NAV3: variants seen among roughly 807,000 people sequenced by gnomAD.
The protein encoded by NAV3 is pore membrane and/or filament interacting like protein 1.
In NAV3, 87 loss-of-function variants were observed where a neutral mutation model predicts 244.7. That is an observed-to-expected ratio of 0.36 (90% CI 0.30 to 0.42). The LOEUF is 0.42. NAV3 is among the 20% of genes least tolerant of loss of function. The probability of loss-of-function intolerance (pLI) is 1.00; values close to 1 mark genes in which losing one functional copy is unlikely to be tolerated. For missense variants in NAV3, 2,663 were observed against 2,893.3 expected, an observed-to-expected ratio of 0.92 and a Z score of 1.83; for synonymous variants, 1,126 against 1,042.2, an observed-to-expected ratio of 1.08 and a Z score of -1.55.
intron 8 of NAV3, among the ~76,000 whole-genome samples, chr12:78,016,482 G>A (rs1408787837): frequency 6.6e-6 from 1 of 151,966 alleles, no homozygotes; most frequent in Non-Finnish European, 1.5e-5. Context: ...CAACTCCCCT[G>A]AATCGAGTAA....
At position 77,831,712 on chromosome 12, in the gene NAV3, G is replaced by T. The variant is rs1873733355; in HGVS notation, c.243+8G>T. ...GAGAAAGAAGACAGCAAGGTTAGTT[G>T]CTGAAGTTACCTGCAGACTTGTGTA... On this transcript the variant is annotated splice_region_variant and intron_variant, in intron 1 of 39. Transcript: ENST00000397909. The T allele has an allele frequency of 1.3e-6, 2 of 1,592,882 alleles. No homozygotes were observed. The highest frequency in any genetic ancestry group is 1.4e-5 in the African/African-American group (1 of 73,788).
At position 77,998,401 on chromosome 12, in the gene NAV3, T is replaced by G. The variant is rs1418613007; in HGVS notation, c.805T>G (p.Leu269Val). Residue 269 changes from leucine to valine, a missense_variant, in exon 7 of 40, where the codon TTA (leucine) becomes GTA (valine). By Grantham distance (32) the Leu-to-Val change is conservative. Coordinates refer to ENST00000397909, the MANE Select transcript of NAV3 (RefSeq NM_001024383.2). ...SSSKVQGASN[L>V]NRRSQSFNSI... ...CAGCAAGGTCCAGGGAGCCTCTAATTTAAATAGGAGAAGTCAGAGCTTTAA... is the reference window on the plus strand; with the variant it reads ...CAGCAAGGTCCAGGGAGCCTCTAATGTAAATAGGAGAAGTCAGAGCTTTAA... The G allele has an allele frequency of 1.9e-6, 3 of 1,611,932 alleles. No individual in the cohort carries two copies. The African/African-American group carries it at 4.0e-5, about 22-fold the overall frequency.
chr12:78,193,044 T>C (rs1170529120), intron 34 of NAV3, among the ~76,000 whole-genome samples: 2 of 152,158 alleles, frequency 1.3e-5, no homozygotes, highest in Non-Finnish European at 2.9e-5. Flanking sequence ...ATAAATCCTG[T>C]TCCTGAAAAC....
rs556512936 is a variant in NAV3, at chr12:77,908,866, G to A, written c.244-31453G>A. On this transcript the variant is annotated intron_variant, in intron 1 of 39. Transcript: ENST00000397909. ...ATAGATTGTATAGTTTGTATTTAAAGAAGTTAAAAGTCTAAGTAGTGTAAT... is the reference window on the plus strand; with the variant it reads ...ATAGATTGTATAGTTTGTATTTAAAAAAGTTAAAAGTCTAAGTAGTGTAAT... Among the ~76,000 whole-genome samples, 6 of 152,146 alleles carry A rather than the reference G, an allele frequency of 3.9e-5. No homozygotes were observed. In the South Asian group the frequency reaches 1.2e-3, roughly 32 times the overall value.
At chr12:78,181,602 T>A (rs144886897) in intron 30 of NAV3, among the ~76,000 whole-genome samples, 68 of 152,236 alleles carry the variant, frequency 4.5e-4, no homozygotes, top group African/African-American at 1.5e-3. Flanking sequence ...TAATGTCATC[T>A]TAATATCTCA....
intron 12 of NAV3, 40 bp from the exon 13 acceptor site, chr12:78,116,732 C>T (rs1369655643): frequency 6.7e-7 from 1 of 1,494,888 alleles, no homozygotes; most frequent in East Asian, 2.4e-5. Flanking sequence ...CATTGTGCAT[C>T]CTGTGTTTGA....
Position 78,118,257 on chromosome 12 carries a change from A to G in NAV3, c.3000A>G (p.Pro1000=). Residue 1000 remains proline, a synonymous_variant, in exon 14 of 40, where the codon CCA becomes CCG. Coordinates refer to ENST00000397909, the MANE Select transcript of NAV3 (RefSeq NM_001024383.2). Reference sequence around the variant, plus strand: ...GCATGTCTGCCCAAGGAGGGGCGCCATCTAGGCAGAAAGCTGGAACAAGTG... The same window carrying G: ...GCATGTCTGCCCAAGGAGGGGCGCCGTCTAGGCAGAAAGCTGGAACAAGTG... ...RRGMSAQGGA[P]SRQKAGTSAL... is the part of the protein sequence containing the mutation. 6.2e-7 allele frequency: 1 copy of G among 1,612,078 alleles called. No individual in the cohort carries two copies. Among genetic ancestry groups the G allele is most frequent in the Non-Finnish European group, 8.5e-7 (1 of 1,178,508 alleles).
At chr12:77,973,728 A>AATC (rs1017467307) in intron 5 of NAV3, among the ~76,000 whole-genome samples, 1 of 152,106 alleles carries the variant, frequency 6.6e-6, no homozygotes, top group African/African-American at 2.4e-5. Flanking sequence ...AAAGGTTATA[A>AATC]ATCTTGAGAA....
intron 9 of NAV3, among the ~76,000 whole-genome samples, chr12:78,040,843 T>C: frequency 6.6e-6 from 1 of 152,210 alleles, no homozygotes; most frequent in Non-Finnish European, 1.5e-5. Context: ...TTAGTGCTTC[T>C]CCAATTTTGT....
chr12:77,963,920 T>C (rs1892274889), intron 3 of NAV3, among the ~76,000 whole-genome samples: 1 of 107,686 alleles, frequency 9.3e-6, no homozygotes, highest in Non-Finnish European at 1.8e-5. Flanking sequence ...TCCTTCTCCT[T>C]CCTTCTTCTC....
chr12:77,721,310 C>G (rs1398767943), intron 2 of NAV3, among the ~76,000 whole-genome samples: 1 of 151,576 alleles, frequency 6.6e-6, no homozygotes, highest in Non-Finnish European at 1.5e-5. Flanking sequence ...TGTTTTTTAC[C>G]AACCTAATTC....
At chr12:77,707,822 G>A (rs923034309) in intron 2 of NAV3, among the ~76,000 whole-genome samples, 8 of 152,174 alleles carry the variant, frequency 5.3e-5, no homozygotes, top group African/African-American at 1.9e-4. Context: ...GTGAAGGTGA[G>A]CATTTTTTCA....
rs35722033 is a variant in NAV3, at chr12:78,009,445, C to CAAAA, written c.1907+2023_1907+2026dup. 1.6e-4 allele frequency among the ~76,000 whole-genome samples: 11 copies of CAAAA among 69,900 alleles called. 1 individual carries two copies. Among genetic ancestry groups the CAAAA allele is most frequent in the East Asian group, 5.6e-4 (1 of 1,778 alleles). The allele number at this position is 69,900 out of a possible 152,430, so 45.9% of individuals were successfully genotyped here. On this transcript the variant is annotated intron_variant, in intron 8 of 39. Coordinates refer to ENST00000397909, the MANE Select transcript of NAV3 (RefSeq NM_001024383.2). Reference sequence around the variant, plus strand: ...CAGCCTGGGTAACAAGAGGGAAACTCAAAAAAAAAAAAAAAAAAAAAAAAA... The same window carrying CAAAA: ...CAGCCTGGGTAACAAGAGGGAAACTCAAAAAAAAAAAAAAAAAAAAAAAAAAAAA...
chr12:78,065,461 G>T (rs1210023085), intron 12 of NAV3, among the ~76,000 whole-genome samples: 1 of 152,142 alleles, frequency 6.6e-6, no homozygotes. Context: ...TGAATTCTTA[G>T]CATTGAAAGA....
chr12:77,824,090 T>A (rs1872860705), intron 2 of NAV3, among the ~76,000 whole-genome samples: 1 of 152,066 alleles, frequency 6.6e-6, no homozygotes, highest in African/African-American at 2.4e-5. Context: ...GTAAATTTTT[T>A]TTTAGACAGA....
chr12:77,635,184 C>T (rs774374678), intron 2 of NAV3, among the ~76,000 whole-genome samples: 2 of 151,870 alleles, frequency 1.3e-5, no homozygotes, highest in Non-Finnish European at 2.9e-5. Flanking sequence ...GCCAAGATCA[C>T]ACCATTGCAC....
intron 12 of NAV3, among the ~76,000 whole-genome samples, chr12:78,102,299 C>A (rs1954575858): frequency 6.6e-6 from 1 of 152,168 alleles, no homozygotes; most frequent in Non-Finnish European, 1.5e-5. Flanking sequence ...TCCATCTGGG[C>A]AGTCAAATTG....
At chr12:77,724,891 A>G (rs781021876) in intron 2 of NAV3, among the ~76,000 whole-genome samples, 2 of 152,048 alleles carry the variant, frequency 1.3e-5, no homozygotes, top group African/African-American at 4.8e-5. Context: ...TCAGATGTCA[A>G]ATCTTTCAAA....
chr12:77,625,333 A>G (rs1871569999), intron 2 of NAV3, among the ~76,000 whole-genome samples: 1 of 152,180 alleles, frequency 6.6e-6, no homozygotes, highest in Admixed American at 6.5e-5. Flanking sequence ...AATATGAACC[A>G]TATGCATTTA....
Sources: allele counts gnomAD v4.1 joint callset (sites outside exome capture counted in the v4.1 genomes callset), GRCh38; gene constraint gnomAD v4.1.1; transcripts MANE v1.5; gene names NCBI Gene and HGNC (gene_info 2026-07-23, HGNC 2026-07-21).